Variants in THSD7B observed in about 807,000 individuals in gnomAD.
The protein encoded by THSD7B is thrombospondin type 1 domain containing 7B, also known as thrombospondin type-1 domain-containing protein 7B.
In THSD7B, 138 loss-of-function variants were observed where a neutral mutation model predicts 213.6. That is an observed-to-expected ratio of 0.65 (90% confidence interval 0.56 to 0.74). The LOEUF (loss-of-function observed/expected upper bound fraction) is 0.74. Among genes scored for constraint, THSD7B ranks in the 30% least tolerant of loss-of-function variants. The pLI is 0.00. For missense variants in THSD7B, 1,931 were observed against 1,991.5 expected, an observed-to-expected ratio of 0.97 and a Z score of 0.58; for synonymous variants, 742 against 687.0, an observed-to-expected ratio of 1.08 and a Z score of -1.25.
At chr2:137,444,953 C>T (rs140270839) in intron 14 of THSD7B, among the ~76,000 whole-genome samples, 6 of 151,812 alleles carry the variant, frequency 4.0e-5, no homozygotes, top group East Asian at 1.9e-4. Flanking sequence ...GCAAAACATC[C>T]GAATAGACAT....
intron 12 of THSD7B, among the ~76,000 whole-genome samples, chr2:137,365,770 G>A (rs1375804705): frequency 2.0e-5 from 3 of 152,182 alleles, no homozygotes; most frequent in Non-Finnish European, 1.5e-5. Context: ...TGGAGAAATA[G>A]GAACACTTTT....
intron 1 of THSD7B, among the ~76,000 whole-genome samples, chr2:136,876,079 C>T (rs1437383856): frequency 6.6e-6 from 1 of 152,114 alleles, no homozygotes; most frequent in East Asian, 1.9e-4. Context: ...ACAAAGTCAT[C>T]TTGTATACCC....
chr2:136,892,366 C>T (rs971183440), intron 2 of THSD7B, among the ~76,000 whole-genome samples: 1 of 152,104 alleles, frequency 6.6e-6, no homozygotes, highest in Non-Finnish European at 1.5e-5. Context: ...CTCCTAGCCA[C>T]AAGGGAAGGT....
At chr2:137,303,185 T>C (rs889359998) in intron 12 of THSD7B, among the ~76,000 whole-genome samples, 1 of 152,146 alleles carries the variant, frequency 6.6e-6, no homozygotes, top group African/African-American at 2.4e-5. Context: ...CGCACATGGC[T>C]AACTTATTTT....
intron 17 of THSD7B, among the ~76,000 whole-genome samples, chr2:137,612,078 ATG>A (rs1462842509): frequency 3.9e-5 from 6 of 152,218 alleles, no homozygotes; most frequent in African/African-American, 1.4e-4. Flanking sequence ...TTTCACATTC[ATG>A]TGTCTTAAAT....
intron 1 of THSD7B, among the ~76,000 whole-genome samples, chr2:136,771,489 T>C (rs1681503486): frequency 6.6e-6 from 1 of 152,182 alleles, no homozygotes; most frequent in Admixed American, 6.5e-5. Context: ...ACTTTCTTCT[T>C]CTTTTAGACC....
chr2:136,916,303 T>C (rs1428376971), intron 2 of THSD7B, among the ~76,000 whole-genome samples: 1 of 152,240 alleles, frequency 6.6e-6, no homozygotes, highest in Non-Finnish European at 1.5e-5. Context: ...TATTCCGGTC[T>C]ACTGGTTCAG....
chr2:136,829,903 A>G (rs1682720353), intron 1 of THSD7B, among the ~76,000 whole-genome samples: 1 of 152,244 alleles, frequency 6.6e-6, no homozygotes, highest in East Asian at 1.9e-4. Context: ...ATGCCTTTAC[A>G]AATATCCTTT....
At chr2:136,928,816 TAGA>T (rs926111319) in intron 2 of THSD7B, among the ~76,000 whole-genome samples, 1 of 152,290 alleles carries the variant, frequency 6.6e-6, no homozygotes, top group African/African-American at 2.4e-5. Context: ...AGTGGGTTGA[TAGA>T]AGAGTCACAA....
chr2:136,853,024 GTGTGTGTGTGTGCA>G lies in THSD7B; in HGVS notation c.-35-29101_-35-29088del, dbSNP rs530792601. ...ATTTCCCCATCCCACCACTTTGCAT[GTGTGTGTGTGTGCA>G]TGTGTGTGTGTGCATGTGCATGTGT... On this transcript the variant is annotated intron_variant, in intron 1 of 27. Transcript: ENST00000409968. Among the ~76,000 whole-genome samples, 49 of 151,718 alleles carry G rather than the reference GTGTGTGTGTGTGCA, an allele frequency of 3.2e-4. 1 individual carries two copies. The highest frequency in any genetic ancestry group is 4.9e-4 in the Non-Finnish European group (33 of 67,838).
intron 12 of THSD7B, among the ~76,000 whole-genome samples, chr2:137,398,288 TG>T (rs1167991241): frequency 1.4e-5 from 2 of 146,774 alleles, no homozygotes; most frequent in Non-Finnish European, 3.0e-5. Context: ...TCCCCATCTT[TG>T]TGGTTTTATC....
intron 10 of THSD7B, among the ~76,000 whole-genome samples, chr2:137,263,041 A>G (rs989818838): frequency 6.6e-6 from 1 of 152,112 alleles, no homozygotes. Context: ...TGTTTTAAGA[A>G]CAGCAGTGGT....
chr2:137,328,506 T>C (rs1684422019), intron 12 of THSD7B, among the ~76,000 whole-genome samples: 1 of 152,144 alleles, frequency 6.6e-6, no homozygotes, highest in Non-Finnish European at 1.5e-5. Flanking sequence ...AAAACATGAA[T>C]CAAGGAAACA....
chr2:137,544,047 CTG>C (rs1001200748), intron 15 of THSD7B, among the ~76,000 whole-genome samples: 3 of 151,720 alleles, frequency 2.0e-5, no homozygotes, highest in Non-Finnish European at 4.4e-5. Context: ...CTTTGGAACA[CTG>C]TGTGGCAGTT....
chr2:137,430,067 A>AC (rs1687140704), intron 14 of THSD7B, among the ~76,000 whole-genome samples: 1 of 151,642 alleles, frequency 6.6e-6, no homozygotes, highest in Non-Finnish European at 1.5e-5. Context: ...ACATAAGGAG[A>AC]CCCCATCTCC....
At chr2:137,038,934 G>T (rs762598914) in intron 2 of THSD7B, among the ~76,000 whole-genome samples, 32 of 152,022 alleles carry the variant, frequency 2.1e-4, no homozygotes, top group Admixed American at 3.3e-4. Context: ...AAGTCTAGAG[G>T]TTTTTTTTCT....
At chr2:137,650,284 T>C (rs1314571912) in intron 21 of THSD7B, among the ~76,000 whole-genome samples, 1 of 152,224 alleles carries the variant, frequency 6.6e-6, no homozygotes, top group Non-Finnish European at 1.5e-5. Context: ...TTTCCTTGTA[T>C]AGCTCTTTCA....
intron 1 of THSD7B, among the ~76,000 whole-genome samples, chr2:136,804,403 AAC>A (rs3030361): frequency 0.45 from 67,238 of 147,880 alleles, 15,481 homozygotes; most frequent in South Asian, 0.54. Context: ...ACACACACAT[AAC>A]ACACACACAC....
chr2:137,299,225 C>A (rs1337774939), intron 12 of THSD7B, among the ~76,000 whole-genome samples: 1 of 152,060 alleles, frequency 6.6e-6, no homozygotes, highest in Non-Finnish European at 1.5e-5. Flanking sequence ...CTTGCATGGA[C>A]CCTGTAACCC....
Sources: allele counts gnomAD v4.1 joint callset (sites outside exome capture counted in the v4.1 genomes callset), GRCh38; gene constraint gnomAD v4.1.1; transcripts MANE v1.5; gene names NCBI Gene and HGNC (gene_info 2026-07-23, HGNC 2026-07-21).